SENP7: variants seen among roughly 807,000 people sequenced by gnomAD.
SENP7 encodes the protein sentrin-specific protease 7.
A neutral mutation model predicts 141.2 loss-of-function variants in SENP7; 64 were observed. The observed-to-expected ratio is 0.45, with a 90% confidence interval of 0.37 to 0.56. The LOEUF is 0.56. SENP7 is among the 20% of genes least tolerant of loss of function. SENP7 has a pLI of 0.00. For missense variants in SENP7, 1,025 were observed against 1,212.2 expected, an observed-to-expected ratio of 0.85 and a Z score of 2.29; for synonymous variants, 382 against 426.4, an observed-to-expected ratio of 0.90 and a Z score of 1.28.
At chr3:101,336,853 A>G (rs1468598139) in intron 17 of SENP7, among the ~76,000 whole-genome samples, 1 of 152,216 alleles carries the variant, frequency 6.6e-6, no homozygotes, top group Non-Finnish European at 1.5e-5. Context: ...TACTTGGGCA[A>G]AAATCAGCTA....
intron 1 of SENP7, among the ~76,000 whole-genome samples, chr3:101,504,126 G>T (rs2065495182): frequency 6.6e-6 from 1 of 151,970 alleles, no homozygotes; most frequent in African/African-American, 2.4e-5. Flanking sequence ...TGCACTTGCT[G>T]AGAAACCATG....
At chr3:101,467,036 G>A (rs778938276) in intron 3 of SENP7, among the ~76,000 whole-genome samples, 13 of 152,204 alleles carry the variant, frequency 8.5e-5, no homozygotes, top group Non-Finnish European at 1.6e-4. Flanking sequence ...TTCTCTCCCC[G>A]TGCCTGGCTC....
intron 4 of SENP7, among the ~76,000 whole-genome samples, chr3:101,442,692 G>A (rs2062725761): frequency 1.3e-5 from 2 of 152,086 alleles, no homozygotes; most frequent in South Asian, 4.1e-4. Context: ...TCAACACAGA[G>A]ATAGGTATCA....
intron 5 of SENP7, among the ~76,000 whole-genome samples, chr3:101,404,705 AG>A (rs1235258397): frequency 6.6e-6 from 1 of 152,238 alleles, no homozygotes; most frequent in South Asian, 2.1e-4. Flanking sequence ...AGAGTTTACA[AG>A]GAACTTAAAC....
intron 4 of SENP7, chr3:101,457,443 G>C: frequency 6.3e-7 from 1 of 1,590,620 alleles, no homozygotes; most frequent in Non-Finnish European, 8.6e-7. Flanking sequence ...CAGCTGCTTT[G>C]TCTCGGCATG....
chr3:101,385,647 T>A (rs1180078735), intron 6 of SENP7, among the ~76,000 whole-genome samples: 2 of 152,010 alleles, frequency 1.3e-5, no homozygotes, highest in Non-Finnish European at 2.9e-5. Flanking sequence ...ATTGCAGAGC[T>A]CCTCCAGTGC....
intron 3 of SENP7, among the ~76,000 whole-genome samples, chr3:101,476,253 C>T (rs2064211459): frequency 6.6e-6 from 1 of 151,966 alleles, no homozygotes; most frequent in Middle Eastern, 3.4e-3. Context: ...CTCCCCTTAC[C>T]CCCAATCCCC....
At chr3:101,504,233 C>G (rs2065500070) in intron 1 of SENP7, among the ~76,000 whole-genome samples, 1 of 151,614 alleles carries the variant, frequency 6.6e-6, no homozygotes, top group Non-Finnish European at 1.5e-5. Context: ...GGTTGGATCA[C>G]TTGAGGTCAG....
At chr3:101,362,708 T>C (rs1346291838) in intron 10 of SENP7, among the ~76,000 whole-genome samples, 6 of 152,172 alleles carry the variant, frequency 3.9e-5, no homozygotes, top group African/African-American at 1.4e-4. Flanking sequence ...GGAATGTAAG[T>C]ACCTAAGAAC....
intron 14 of SENP7, among the ~76,000 whole-genome samples, chr3:101,343,258 A>C (rs989872634): frequency 6.6e-6 from 1 of 152,122 alleles, no homozygotes; most frequent in Admixed American, 6.6e-5. Context: ...GAGATTATGC[A>C]TATATTTTGT....
chr3:101,497,655 C>T (rs555999465), intron 2 of SENP7, among the ~76,000 whole-genome samples: 1 of 152,208 alleles, frequency 6.6e-6, no homozygotes, highest in East Asian at 1.9e-4. Flanking sequence ...TTCTATGAGT[C>T]CATATTGATA....
chr3:101,362,456 G>A (rs1252192977), intron 10 of SENP7, among the ~76,000 whole-genome samples: 1 of 152,096 alleles, frequency 6.6e-6, no homozygotes, highest in Non-Finnish European at 1.5e-5. Context: ...TAATGTTCTT[G>A]CTACTGCACT....
At chr3:101,489,110 C>G (rs1016556297) in intron 3 of SENP7, among the ~76,000 whole-genome samples, 1 of 152,086 alleles carries the variant, frequency 6.6e-6, no homozygotes, top group African/African-American at 2.4e-5. Flanking sequence ...CAAGCAAATA[C>G]TGAGGGAATT....
intron 4 of SENP7, among the ~76,000 whole-genome samples, chr3:101,431,129 T>G (rs181356761): frequency 3.3e-5 from 5 of 152,186 alleles, no homozygotes; most frequent in Non-Finnish European, 5.9e-5. Context: ...ATAGGTGCAA[T>G]GTGGTGCTGA....
intron 4 of SENP7, among the ~76,000 whole-genome samples, chr3:101,440,575 AT>A (rs1258065094): frequency 2.2e-5 from 3 of 134,052 alleles, no homozygotes; most frequent in Non-Finnish European, 3.1e-5. Flanking sequence ...CAATAAAAAA[AT>A]AAATTAAAAA....
intron 6 of SENP7, among the ~76,000 whole-genome samples, chr3:101,389,101 C>G (rs1364441595): frequency 6.6e-6 from 1 of 151,962 alleles, no homozygotes; most frequent in Non-Finnish European, 1.5e-5. Context: ...GAAAACTTCC[C>G]AAGTTGAGCA....
At chr3:101,367,668 C>T (rs1046800900) in intron 8 of SENP7, among the ~76,000 whole-genome samples, 162 bp downstream of exon 8, 1 of 152,064 alleles carries the variant, frequency 6.6e-6, no homozygotes, top group Non-Finnish European at 1.5e-5. Context: ...AGAAAAGTTA[C>T]ATTTAGAATT....
chr3:101,334,699 T>G (rs1236081657), intron 17 of SENP7, among the ~76,000 whole-genome samples: 1 of 152,216 alleles, frequency 6.6e-6, no homozygotes, highest in East Asian at 1.9e-4. Context: ...TTTCAACTAG[T>G]GTATAGTCTG....
At chr3:101,475,647 C>T (rs146529124) in intron 3 of SENP7, among the ~76,000 whole-genome samples, 159 of 152,116 alleles carry the variant, frequency 1.0e-3, no homozygotes, top group Middle Eastern at 3.4e-3. Flanking sequence ...CCATGGCACA[C>T]GTTTACCTAT....
Sources: gnomAD v4.1 joint callset for allele counts (sites outside exome capture counted in the v4.1 genomes callset) on GRCh38, gnomAD v4.1.1 for gene constraint, MANE v1.5 for transcripts, NCBI Gene and HGNC (gene_info 2026-07-23, HGNC 2026-07-21) for gene names.